Variants in PTPN4 observed in about 807,000 individuals in gnomAD.
PTPN4 encodes the protein protein tyrosine phosphatase non-receptor type 4.
Under a neutral mutation model 135.5 loss-of-function variants are expected in PTPN4, and 49 were observed. That is an observed-to-expected ratio of 0.36 (90% CI 0.29 to 0.46). The LOEUF (loss-of-function observed/expected upper bound fraction) is 0.46, where lower values mean the gene tolerates loss of function less well. Ranked by LOEUF, PTPN4 falls within the 20% of genes least tolerant of loss-of-function variation. The pLI, the probability that PTPN4 is intolerant of heterozygous loss-of-function variation, is 1.00. For missense variants in PTPN4, 860 were observed against 1,101.0 expected, an observed-to-expected ratio of 0.78 and a Z score of 3.10; for synonymous variants, 333 against 369.9, an observed-to-expected ratio of 0.90 and a Z score of 1.14.
intron 10 of PTPN4, among the ~76,000 whole-genome samples, chr2:119,910,403 A>G (rs1432266713): frequency 6.6e-6 from 1 of 152,184 alleles, no homozygotes; most frequent in Admixed American, 6.5e-5. Flanking sequence ...AGCCCTCAGT[A>G]TCTCTAAAGT....
At chr2:119,968,127 C>T (rs529702610) in intron 26 of PTPN4, among the ~76,000 whole-genome samples, 155 bp downstream of exon 26, 97 of 152,202 alleles carry the variant, frequency 6.4e-4, no homozygotes, top group African/African-American at 2.2e-3. Flanking sequence ...AACTACTGCC[C>T]ACTAGTCAAA....
intron 1 of PTPN4, among the ~76,000 whole-genome samples, chr2:119,763,228 A>G (rs980693280): frequency 2.0e-5 from 3 of 152,194 alleles, no homozygotes; most frequent in Non-Finnish European, 4.4e-5. Flanking sequence ...TTAAGTAGAA[A>G]CTTTGGAAGA....
At chr2:119,789,928 A>G (rs36079481) in intron 1 of PTPN4, among the ~76,000 whole-genome samples, 41,787 of 151,506 alleles carry the variant, frequency 0.28, 7,173 homozygotes, top group East Asian at 0.48. Context: ...CGGTTTCATT[A>G]TGTTGGCCAG....
In PTPN4 at chr2:119,931,178, T is replaced by C. The variant is rs560046741; in HGVS notation, c.1071-1246T>C. ...GTTAATTACTGAAATATAAAACTGT[T>C]TACAAGATGATTTATTATATACTTT... is the stretch of plus-strand genomic sequence containing the variant. On this transcript the variant is annotated intron_variant, in intron 13 of 26. Coordinates refer to ENST00000263708, the MANE Select transcript of PTPN4 (RefSeq NM_002830.4). Among the ~76,000 whole-genome samples, 5 of 152,172 alleles carry C rather than the reference T, an allele frequency of 3.3e-5. No homozygotes were observed. In the South Asian group the frequency reaches 6.2e-4, roughly 19 times the overall value.
Position 119,838,232 on chromosome 2 carries a change from T to C in PTPN4, c.139-24304T>C, listed in dbSNP as rs1049682523. ...TTTGCTTTTTTATTTCCAACTTTTATTGTAAGTTCAGGGGTACATGTGCAG... is the reference window on the plus strand; with the variant it reads ...TTTGCTTTTTTATTTCCAACTTTTACTGTAAGTTCAGGGGTACATGTGCAG... On this transcript the variant is annotated intron_variant, in intron 2 of 26. Coordinates refer to ENST00000263708, the MANE Select transcript of PTPN4 (RefSeq NM_002830.4). 2.6e-5 allele frequency among the ~76,000 whole-genome samples: 4 copies of C among 152,228 alleles called. No homozygotes were observed. In the South Asian group the frequency reaches 8.3e-4, roughly 32 times the overall value.
Position 119,932,489 on chromosome 2 carries a change from C to T in PTPN4, c.1136C>T (p.Ser379Phe). 1 of 1,611,254 alleles carries T rather than the reference C, an allele frequency of 6.2e-7. No individual in the cohort carries two copies. The highest frequency in any genetic ancestry group is 8.5e-7 in the Non-Finnish European group (1 of 1,177,742). The change falls in exon 14 of 27, where the codon TCT (serine) becomes TTT (phenylalanine). Residue 379 changes from serine (S) to phenylalanine (F), a missense_variant. Physicochemically the swap from Ser to Phe is radical, Grantham distance 155. Around this residue, in one of 2 missense-constraint regions of PTPN4, gnomAD observed 684 missense variants for 807.0 expected, o/e 0.85. Coordinates refer to ENST00000263708, the MANE Select transcript of PTPN4 (RefSeq NM_002830.4). Reference protein sequence around the residue: ...DWEVVSRNSISDDRLETQSLP... With the variant: ...DWEVVSRNSIFDDRLETQSLP... Reference sequence around the variant, plus strand: ...GAAGTAGTAAGCAGAAATTCAATATCTGATGACAGGTTAGAAACACAAAGT... The same window carrying T: ...GAAGTAGTAAGCAGAAATTCAATATTTGATGACAGGTTAGAAACACAAAGT...
At chr2:119,844,900 G>A (rs1270950151) in intron 2 of PTPN4, among the ~76,000 whole-genome samples, 2 of 151,498 alleles carry the variant, frequency 1.3e-5, no homozygotes, top group Non-Finnish European at 2.9e-5. Context: ...GCCAAGGCAG[G>A]TGGCTGGGAG....
chr2:119,950,537 C>T (rs1475591920), intron 18 of PTPN4, among the ~76,000 whole-genome samples: 1 of 152,168 alleles, frequency 6.6e-6, no homozygotes, highest in African/African-American at 2.4e-5. Flanking sequence ...AACTTCTAGA[C>T]CAGTGTTTTT....
chr2:119,830,586 A>G (rs567110599), intron 2 of PTPN4, among the ~76,000 whole-genome samples: 3 of 152,202 alleles, frequency 2.0e-5, no homozygotes, highest in East Asian at 1.9e-4. Context: ...CTCCTGCCTC[A>G]GCCTCCAGAG....
At position 119,885,869 on chromosome 2, in the gene PTPN4, TC is replaced by T; in HGVS notation, c.664del (p.His222ThrfsTer12). On this transcript the variant is annotated frameshift_variant, in exon 9 of 27. Transcript: ENST00000263708. LOFTEE classifies it high-confidence loss of function. Reference sequence around the variant, plus strand: ...ACCTTAGAACTCTATGGAGTTGAATTCCACTATGCAAGGGTAAGTGAAGAAA... The same window carrying T: ...ACCTTAGAACTCTATGGAGTTGAATTCACTATGCAAGGGTAAGTGAAGAAA... ...ARTLELYGVE[F>X]HYARDQSNNE... 1 of 1,597,180 alleles carries T rather than the reference TC, an allele frequency of 6.3e-7. No individual in the cohort carries two copies. The highest frequency in any genetic ancestry group is 2.3e-5 in the East Asian group (1 of 44,292).
chr2:119,834,217 C>A (rs1574359279), intron 2 of PTPN4, among the ~76,000 whole-genome samples: 1 of 152,106 alleles, frequency 6.6e-6, no homozygotes, highest in Non-Finnish European at 1.5e-5. Context: ...ATATATAATA[C>A]TTGTTTTTAA....
intron 1 of PTPN4, among the ~76,000 whole-genome samples, chr2:119,783,640 C>G (rs1347503388): frequency 6.6e-6 from 1 of 152,176 alleles, no homozygotes; most frequent in African/African-American, 2.4e-5. Context: ...TTAGACAGAT[C>G]TGGATTCAAG....
In PTPN4 at chr2:119,981,440, G is replaced by T. The variant is rs1679692945; in HGVS notation, c.*4370G>T. ...ATAACTATGTTATTAAAACCTACTG[G>T]ATTAATTTTATCAAATATCAGACTT... On this transcript the variant is annotated 3_prime_UTR_variant, in exon 27 of 27. Transcript: ENST00000263708. The T allele has an allele frequency of 6.6e-6, 1 of 151,962 alleles. No individual in the cohort carries two copies. Among genetic ancestry groups the T allele is most frequent in the South Asian group, 2.1e-4 (1 of 4,834 alleles). The allele number at this position is 151,962 out of a possible 1,614,324, so 9.4% of individuals were successfully genotyped here.
At chr2:119,945,270 T>C in intron 16 of PTPN4, 30 bp downstream of exon 16, 1 of 1,485,280 alleles carries the variant, frequency 6.7e-7, no homozygotes, top group Non-Finnish European at 9.0e-7. Context: ...ATTCTCATTT[T>C]TATTTGAATT....
At chr2:119,947,506 C>T (rs1258506516) in intron 18 of PTPN4, among the ~76,000 whole-genome samples, 2 of 152,108 alleles carry the variant, frequency 1.3e-5, no homozygotes, top group African/African-American at 2.4e-5. Context: ...AATATAAATA[C>T]ATCAGATAGC....
chr2:119,781,770 A>C (rs1056785203), intron 1 of PTPN4, among the ~76,000 whole-genome samples: 47 of 152,234 alleles, frequency 3.1e-4, no homozygotes, highest in Admixed American at 3.1e-3. Flanking sequence ...ATTCGTTTAC[A>C]TATTGTTTAT....
At chr2:119,877,390 T>A in intron 4 of PTPN4, 25 bp downstream of exon 4, 1 of 1,610,510 alleles carries the variant, frequency 6.2e-7, no homozygotes, top group Non-Finnish European at 8.5e-7. Context: ...TTACTTAATG[T>A]TTTGCAAGTT....
intron 10 of PTPN4, 133 bp from the exon 11 acceptor site, chr2:119,915,046 T>C (rs1678631286): frequency 2.9e-6 from 2 of 680,298 alleles, no homozygotes; most frequent in Middle Eastern, 4.9e-4. Flanking sequence ...TTCAATTCTT[T>C]ATGTACTATG....
chr2:119,895,039 T>G (rs112049321), intron 9 of PTPN4, among the ~76,000 whole-genome samples: 2 of 152,274 alleles, frequency 1.3e-5, no homozygotes, highest in African/African-American at 4.8e-5. Context: ...TTTATAGATG[T>G]GTTAGAAAAA....
Sources: allele counts gnomAD v4.1 joint callset (sites outside exome capture counted in the v4.1 genomes callset), GRCh38; gene constraint gnomAD v4.1.1; regional missense constraint gnomAD v4.1.1; transcripts MANE v1.5; gene names NCBI Gene and HGNC (gene_info 2026-07-23, HGNC 2026-07-21).